The following SP2 variants were observed in gnomAD, a reference collection of about 807,000 sequenced individuals.
The protein encoded by SP2 is transcription factor Sp2.
Under a neutral mutation model 50.1 loss-of-function variants are expected in SP2, and 9 were observed. The observed-to-expected ratio is 0.18, with a 90% CI of 0.11 to 0.31. The LOEUF (loss-of-function observed/expected upper bound fraction) is 0.31, where lower values mean the gene tolerates loss of function less well. Ranked by LOEUF, SP2 falls within the 10% of genes least tolerant of loss-of-function variation. The probability of loss-of-function intolerance (pLI) is 1.00; values close to 1 mark genes in which losing one functional copy is unlikely to be tolerated. For synonymous variants in SP2, 313 were observed against 326.6 expected (o/e 0.96, Z 0.45); for missense variants, 581 against 806.5 (o/e 0.72, Z 3.39).
At chr17:47,925,570 C>T (rs772909941) in intron 6 of SP2, 29 bp downstream of exon 6, 3 of 1,588,458 alleles carry the variant, frequency 1.9e-6, no homozygotes, top group Non-Finnish European at 2.6e-6. Context: ...GGACCCTCCA[C>T]CCACAGAGGT....
chr17:47,919,825 C>CTTTTTTTTTTTTTTTTTTTTTTTTTTTTT (rs141856390), intron 3 of SP2, among the ~76,000 whole-genome samples: 1 of 94,800 alleles, frequency 1.1e-5, no homozygotes, highest in African/African-American at 4.2e-5. Context: ...TTTGTCATTC[C>CTTTTTTTTTTTTTTTTTTTTTTTTTTTTT]TTTTTTTTTT....
At chr17:47,921,646 G>C (rs1171431981) in intron 3 of SP2, among the ~76,000 whole-genome samples, 1 of 152,194 alleles carries the variant, frequency 6.6e-6, no homozygotes. Flanking sequence ...CTTTAAGCTG[G>C]CTTGTATCTT....
Position 47,916,805 on chromosome 17 carries a change from A to G in SP2, c.734A>G (p.Lys245Arg), listed in dbSNP as rs2035225356. The G allele has an allele frequency of 2.5e-6, 4 of 1,614,008 alleles. No homozygotes were observed. The East Asian group carries it at 6.7e-5, about 27-fold the overall frequency. ...SPPTPLSKTN[K>R]KARKKSLPAS... ...CCAACCCCGCTGTCTAAGACTAACA[A>G]GAAAGCAAGGAAGAAGAGCCTTCCT... The change falls in exon 3 of 7, where the codon AAG becomes AGG. Residue 245 changes from lysine (K) to arginine (R), a missense_variant. Coordinates refer to ENST00000376741, the MANE Select transcript of SP2 (RefSeq NM_003110.6). The surrounding 1 kb of genome is among the most constrained non-coding windows in gnomAD (Gnocchi z 4.7).
downstream of SP2, among the ~76,000 whole-genome samples, chr17:47,929,286 C>T (rs568607472): frequency 1.9e-4 from 29 of 152,372 alleles, no homozygotes; most frequent in African/African-American, 7.0e-4. Context: ...CAACTTAGCT[C>T]TTCCACCCAC....
At chr17:47,929,109 A>C (rs2035764410), downstream of SP2, among the ~76,000 whole-genome samples, 1 of 152,224 alleles carries the variant, frequency 6.6e-6, no homozygotes, top group Non-Finnish European at 1.5e-5. Flanking sequence ...CACATGCCCA[A>C]AAGGGGCCGC....
chr17:47,919,962 A>C (rs1190786513), intron 3 of SP2, among the ~76,000 whole-genome samples: 1 of 145,078 alleles, frequency 6.9e-6, no homozygotes, highest in South Asian at 2.2e-4. Context: ...TCAGCCTCCC[A>C]AGTTGCTGGG....
chr17:47,928,308 C>T lies in SP2; in HGVS notation c.*484C>T, dbSNP rs1191006583. 1 of 156,704 alleles carries T rather than the reference C, an allele frequency of 6.4e-6. No individual in the cohort carries two copies. Among genetic ancestry groups the T allele is most frequent in the African/African-American group, 2.4e-5 (1 of 41,510 alleles). The allele number at this position is 156,704 out of a possible 1,614,324, so 9.7% of individuals were successfully genotyped here. On this transcript the variant is annotated 3_prime_UTR_variant, in exon 7 of 7. Transcript: ENST00000376741. ...CTGGAGAAACTCGGGGCCACCTCCA[C>T]TCCATGTGCCCAGCCCCGCCACAAC...
Position 47,924,916 on chromosome 17 carries a change from C to T in SP2, c.1373-3C>T, listed in dbSNP as rs773114814. The T allele has an allele frequency of 1.6e-5, 26 of 1,588,952 alleles. No individual in the cohort carries two copies. Among genetic ancestry groups the T allele is most frequent in the Non-Finnish European group, 2.1e-5 (24 of 1,163,022 alleles). ...TGAACTCTGCCCCTCTTTGTCCCCA[C>T]AGGGCAGCAGCAGCTGACAGTGCAG... On this transcript the variant is annotated splice_polypyrimidine_tract_variant and splice_region_variant and intron_variant, in intron 4 of 6. Transcript: ENST00000376741.
intron 3 of SP2, chr17:47,917,669 T>C: frequency 4.1e-6 from 1 of 244,636 alleles, no homozygotes; most frequent in South Asian, 3.6e-5. Flanking sequence ...TTGTCCGGGC[T>C]GGAGTGCAGT....
intron 3 of SP2, among the ~76,000 whole-genome samples, chr17:47,921,573 G>C (rs2093746962): frequency 1.3e-5 from 2 of 152,306 alleles, no homozygotes; most frequent in Admixed American, 6.5e-5. Context: ...TTATTCACTG[G>C]GTTATAATCT....
intron 3 of SP2, among the ~76,000 whole-genome samples, chr17:47,921,372 C>A (rs1430845861): frequency 1.3e-5 from 2 of 152,208 alleles, no homozygotes; most frequent in African/African-American, 4.8e-5. Flanking sequence ...CCTCAGCCTC[C>A]CCAGTAGCTG....
intron 3 of SP2, 111 bp from the exon 4 acceptor site, chr17:47,922,851 G>T: frequency 1.1e-6 from 1 of 894,956 alleles, no homozygotes; most frequent in South Asian, 1.6e-5. Flanking sequence ...GTGAATTGAA[G>T]AGACTTTTAG....
chr17:47,926,487 A>AT (rs1349390404), intron 6 of SP2, among the ~76,000 whole-genome samples: 2 of 151,034 alleles, frequency 1.3e-5, no homozygotes, highest in Non-Finnish European at 3.0e-5. Context: ...TAATTTTAAA[A>AT]TTTTTTTAGA....
At chr17:47,907,268 A>G (rs2034802320) in intron 1 of SP2, among the ~76,000 whole-genome samples, 1 of 152,272 alleles carries the variant, frequency 6.6e-6, no homozygotes, top group African/African-American at 2.4e-5. Flanking sequence ...GACAGGAGGT[A>G]GAGGCGGATG....
At chr17:47,909,173 A>G (rs952062069) in intron 1 of SP2, among the ~76,000 whole-genome samples, 1 of 152,202 alleles carries the variant, frequency 6.6e-6, no homozygotes, top group Admixed American at 6.5e-5. Flanking sequence ...GTCCCTCAGA[A>G]CAGAACCTGA....
chr17:47,920,632 A>G (rs2035415809), intron 3 of SP2, among the ~76,000 whole-genome samples: 1 of 151,424 alleles, frequency 6.6e-6, no homozygotes, highest in Non-Finnish European at 1.5e-5. Context: ...CATCTTGGCC[A>G]GGCTGGTCTC....
rs757788826 is a variant in SP2 at position 47,896,292 on chromosome 17, C to T, written c.6C>T (p.Ser2=). 4 of 1,239,072 alleles carry T rather than the reference C, an allele frequency of 3.2e-6. No individual in the cohort carries two copies. Among genetic ancestry groups the T allele is most frequent in the Non-Finnish European group, 4.0e-6 (4 of 988,306 alleles). 76.8% of individuals were successfully genotyped at this position (1,239,072 alleles called of 1,614,324 possible). Residue 2 remains serine (S), a splice_region_variant and synonymous_variant, in exon 1 of 7, where the codon AGC becomes AGT. Transcript: ENST00000376741. M[S]DPQTSMAATA... ...CCAGGGAGGAAGATGTCGTAATGAG[C>T]GGTGGGTCCCGGCCGCTGCCGGCGG... is the stretch of plus-strand genomic sequence containing the variant.
intron 4 of SP2, 146 bp downstream of exon 4, chr17:47,923,420 AC>A (rs1222821095): frequency 3.0e-6 from 2 of 657,202 alleles, no homozygotes; most frequent in Non-Finnish European, 5.2e-6. Context: ...GCAGCTTCTC[AC>A]CTAGTCCTTA....
intron 1 of SP2, among the ~76,000 whole-genome samples, chr17:47,906,843 C>T (rs1167835311): frequency 6.6e-6 from 1 of 152,070 alleles, no homozygotes; most frequent in African/African-American, 2.4e-5. Context: ...GAGATCTGGG[C>T]CAGACACAGG....
Sources: gnomAD v4.1 joint callset for allele counts (sites outside exome capture counted in the v4.1 genomes callset) on GRCh38, gnomAD v4.1.1 for gene constraint, Gnocchi (gnomAD v3.1) non-coding constraint, MANE v1.5 for transcripts, NCBI Gene and HGNC (gene_info 2026-07-23, HGNC 2026-07-21) for gene names.